Variants in KIAA1217 observed in about 807,000 individuals in gnomAD.
KIAA1217 encodes the protein sickle tail protein homolog.
In KIAA1217, 88 loss-of-function variants were observed where a neutral mutation model predicts 163.9. That is an observed-to-expected ratio of 0.54 (90% CI 0.45 to 0.64). The LOEUF (loss-of-function observed/expected upper bound fraction) is 0.64. KIAA1217 is among the 30% of genes least tolerant of loss of function. The pLI, the probability that KIAA1217 is intolerant of heterozygous loss-of-function variation, is 0.00. For synonymous variants in KIAA1217, 903 were observed against 923.1 expected (o/e 0.98, Z 0.39); for missense variants, 2,372 against 2,475.0 (o/e 0.96, Z 0.88).
At chr10:24,359,548 G>A (rs1291563458) in intron 2 of KIAA1217, among the ~76,000 whole-genome samples, 1 of 152,204 alleles carries the variant, frequency 6.6e-6, no homozygotes, top group African/African-American at 2.4e-5. Context: ...TGAAGAAAGT[G>A]TACATGAAAC....
intron 1 of KIAA1217, among the ~76,000 whole-genome samples, chr10:23,885,013 A>C (rs1159929523): frequency 6.6e-6 from 1 of 151,792 alleles, no homozygotes; most frequent in African/African-American, 2.4e-5. Flanking sequence ...GTCTTGCCAC[A>C]CTCTTCTCTC....
At chr10:24,367,219 T>A in intron 2 of KIAA1217, 1 of 941,504 alleles carries the variant, frequency 1.1e-6, no homozygotes, top group South Asian at 4.9e-5. Context: ...CTACCTGTTC[T>A]TTTTCTGCAT....
chr10:24,026,998 T>C (rs1847982032), intron 2 of KIAA1217, among the ~76,000 whole-genome samples: 1 of 152,100 alleles, frequency 6.6e-6, no homozygotes, highest in Non-Finnish European at 1.5e-5. Context: ...TTTTTCTTTT[T>C]TCATCTTTAA....
intron 5 of KIAA1217, among the ~76,000 whole-genome samples, chr10:24,445,518 T>A (rs2060846498): frequency 6.9e-6 from 1 of 144,034 alleles, no homozygotes; most frequent in Non-Finnish European, 1.5e-5. Context: ...ATCCTAATGC[T>A]ATCCCTCCCC....
At chr10:24,150,160 G>A (rs2064538605) in intron 2 of KIAA1217, among the ~76,000 whole-genome samples, 2 of 152,062 alleles carry the variant, frequency 1.3e-5, no homozygotes, top group Admixed American at 1.3e-4. Context: ...TGGAAATACA[G>A]GTGCACGCCA....
chr10:24,513,334 A>T lies in KIAA1217; in HGVS notation c.2077A>T (p.Met693Leu), dbSNP rs774096302. The T allele has an allele frequency of 6.2e-7, 1 of 1,614,222 alleles. No homozygotes were observed. The stretch of plus-strand genomic sequence containing the variant: ...AATCAGTGGCAAAGTGATGGAAACA[A>T]TGAAGAGACTGGAGGATCCCGTGCA... ...LEISGKVMET[M>L]KRLEDPVQRQ... Residue 693 changes from methionine to leucine, a missense_variant, in exon 10 of 21, where the codon ATG becomes TTG. Around this residue, in one of 3 missense-constraint regions of KIAA1217, gnomAD observed 1,431 missense variants for 1,470.3 expected, o/e 0.97. Coordinates refer to ENST00000376454, the MANE Select transcript of KIAA1217 (RefSeq NM_019590.5).
Position 23,893,216 on chromosome 10 carries a change from T to A in KIAA1217, c.-320-114009T>A, listed in dbSNP as rs528142931. Among the ~76,000 whole-genome samples the A allele has an allele frequency of 2.0e-5, 3 of 152,208 alleles. No individual in the cohort carries two copies. The East Asian group carries it at 5.8e-4, about 30-fold the overall frequency. ...GATTCAACCTCTTCCTGGTTTAGTC[T>A]TGGGAGGGTGTATGTGTCGAGGAAT... On this transcript the variant is annotated intron_variant, in intron 1 of 18. Transcript: ENST00000376462.
chr10:24,250,128 G>A (rs1298482443), intron 2 of KIAA1217, among the ~76,000 whole-genome samples: 1 of 152,160 alleles, frequency 6.6e-6, no homozygotes, highest in Non-Finnish European at 1.5e-5. Context: ...CACCCCTGAA[G>A]TCAAGCCTGG....
intron 1 of KIAA1217, among the ~76,000 whole-genome samples, chr10:23,732,776 A>G (rs1838548343): frequency 1.3e-5 from 2 of 152,102 alleles, no homozygotes; most frequent in Admixed American, 1.3e-4. Flanking sequence ...ATTCAGTGCT[A>G]TAAAGTTTTC....
intron 1 of KIAA1217, among the ~76,000 whole-genome samples, chr10:23,969,530 A>G (rs1312756775): frequency 6.6e-6 from 1 of 152,200 alleles, no homozygotes; most frequent in Non-Finnish European, 1.5e-5. Context: ...CCATTTCCAT[A>G]ATGCATTTTG....
intron 1 of KIAA1217, among the ~76,000 whole-genome samples, chr10:23,820,732 T>C (rs1326133195): frequency 6.6e-6 from 1 of 152,202 alleles, no homozygotes; most frequent in Non-Finnish European, 1.5e-5. Context: ...CTCAGAGCTT[T>C]CCTGCTGTTC....
chr10:24,139,785 C>T (rs2063979395), intron 2 of KIAA1217, among the ~76,000 whole-genome samples: 2 of 152,150 alleles, frequency 1.3e-5, no homozygotes, highest in Admixed American at 6.6e-5. Context: ...CTAAGACCCC[C>T]AGTGAATGCC....
chr10:24,497,394 G>A (rs1054560451), intron 8 of KIAA1217, among the ~76,000 whole-genome samples: 1 of 152,138 alleles, frequency 6.6e-6, no homozygotes, highest in African/African-American at 2.4e-5. Flanking sequence ...AGAAACAGAA[G>A]CTCAGGGAGG....
At chr10:24,372,898 G>A (rs1425463487) in intron 2 of KIAA1217, among the ~76,000 whole-genome samples, 2 of 152,132 alleles carry the variant, frequency 1.3e-5, no homozygotes, top group East Asian at 3.9e-4. Flanking sequence ...TGACACTCCA[G>A]TACAAGAACT....
chr10:24,342,058 G>C (rs975934650), intron 2 of KIAA1217, among the ~76,000 whole-genome samples: 1 of 152,182 alleles, frequency 6.6e-6, no homozygotes, highest in Non-Finnish European at 1.5e-5. Context: ...TAGCACTGTG[G>C]CCTTTGCAGC....
chr10:24,262,098 A>G (rs1445158293), intron 2 of KIAA1217, among the ~76,000 whole-genome samples: 1 of 152,160 alleles, frequency 6.6e-6, no homozygotes, highest in Non-Finnish European at 1.5e-5. Flanking sequence ...AAAGGAATAA[A>G]GGAATTGGGT....
chr10:23,707,542 C>T (rs975875356), intron 1 of KIAA1217, among the ~76,000 whole-genome samples: 1 of 152,020 alleles, frequency 6.6e-6, no homozygotes, highest in African/African-American at 2.4e-5. Flanking sequence ...ACAATGGCCA[C>T]ATACAGGGTG....
At chr10:24,246,216 A>T (rs139539861) in intron 2 of KIAA1217, among the ~76,000 whole-genome samples, 151 of 152,332 alleles carry the variant, frequency 9.9e-4, no homozygotes, top group Middle Eastern at 6.8e-3. Context: ...TGACGGTCAG[A>T]AGAAGACAGA....
At chr10:24,061,480 A>G (rs2131602016) in intron 2 of KIAA1217, among the ~76,000 whole-genome samples, 1 of 152,322 alleles carries the variant, frequency 6.6e-6, no homozygotes, top group African/African-American at 2.4e-5. Context: ...TACCTTTACC[A>G]GTGATTTTTC....
Sources: gnomAD v4.1 joint callset for allele counts (sites outside exome capture counted in the v4.1 genomes callset) on GRCh38, gnomAD v4.1.1 for gene constraint, gnomAD v4.1.1 regional missense constraint, MANE v1.5 for transcripts, NCBI Gene and HGNC (gene_info 2026-07-23, HGNC 2026-07-21) for gene names.